LAMA5: variants seen among roughly 807,000 people sequenced by gnomAD.
The protein encoded by LAMA5 is laminin subunit alpha-5.
LAMA5 carries 260 observed loss-of-function variants against 433.4 expected under a neutral mutation model. The observed-to-expected ratio is 0.60, with a 90% confidence interval of 0.54 to 0.66. LAMA5 has a LOEUF of 0.66. LAMA5 is among the 30% of genes least tolerant of loss of function. The probability of loss-of-function intolerance (pLI) is 0.00; values close to 1 mark genes in which losing one functional copy is unlikely to be tolerated. For missense variants in LAMA5, 5,378 were observed against 5,258.5 expected, an observed-to-expected ratio of 1.02 and a Z score of -0.70; for synonymous variants, 2,620 against 2,226.6, an observed-to-expected ratio of 1.18 and a Z score of -4.97.
intron 11 of LAMA5, among the ~76,000 whole-genome samples, chr20:62,341,475 A>C (rs1044080225): frequency 1.3e-5 from 2 of 152,200 alleles, no homozygotes; most frequent in Non-Finnish European, 2.9e-5. Context: ...GGAGGTTCCC[A>C]GCATCCCTAG....
At chr20:62,326,801 G>A (rs1428170473) in intron 39 of LAMA5, 41 bp from the exon 40 acceptor site, 2 of 1,603,406 alleles carry the variant, frequency 1.2e-6, no homozygotes, top group Non-Finnish European at 1.7e-6. Flanking sequence ...GCACGGGCCT[G>A]GACCACGGTG....
Position 62,312,464 on chromosome 20 carries a change from T to C in LAMA5, c.9296A>G (p.Lys3099Arg). Residue 3099 changes from lysine to arginine, a missense_variant, in exon 68 of 80, where the codon AAG becomes AGG. Physicochemically the swap from Lys to Arg is conservative, Grantham distance 26 (BLOSUM62 2). Coordinates refer to ENST00000252999, the MANE Select transcript of LAMA5 (RefSeq NM_005560.6). ...GTTCAGCCGCTTGAGGTCCACATAC[T>C]TGCCCAGGGCCTTGATGCCTTTGAC... ...GCVKGIKALG[K>R]YVDLKRLNTT... 6.3e-7 allele frequency: 1 copy of C among 1,598,334 alleles called. No homozygotes were observed. Among genetic ancestry groups the C allele is most frequent in the Non-Finnish European group, 8.5e-7 (1 of 1,179,620 alleles).
rs368144472 is a variant in LAMA5, at chr20:62,312,679, G to C, written c.9180C>G (p.Ala3060=). 1.2e-6 allele frequency: 2 copies of C among 1,607,524 alleles called. No homozygotes were observed. Among genetic ancestry groups the C allele is most frequent in the Admixed American group, 1.7e-5 (1 of 59,390 alleles). ...SVEQDNDLEL[A]DAYYLGGVPP... ...GCACGCCCCCCAGGTAGTAGGCGTCGGCCAGCTCCAGATCATTGTCCTGCT... is the reference window on the plus strand; with the variant it reads ...GCACGCCCCCCAGGTAGTAGGCGTCCGCCAGCTCCAGATCATTGTCCTGCT... Residue 3060 remains alanine (A), a synonymous_variant, in exon 67 of 80, where the codon GCC becomes GCG. Transcript: ENST00000252999.
rs1258722840 is a variant in LAMA5, at chr20:62,325,408, G to A, written c.5437C>T (p.Leu1813=). 1 of 1,611,984 alleles carries A rather than the reference G, an allele frequency of 6.2e-7. No homozygotes were observed. Among genetic ancestry groups the A allele is most frequent in the South Asian group, 1.1e-5 (1 of 91,020 alleles). Residue 1813 remains leucine (L), a synonymous_variant, in exon 41 of 80, where the codon CTG becomes TTG. Transcript: ENST00000252999. The stretch of plus-strand genomic sequence containing the variant: ...TGGCCTGCTGGGCTGGCCACCTCCA[G>A]TGCCACCCTGCGCAGGAAGACAGCC... ...SSAVFLRRVA[L]EVASPAGQGA...
intron 2 of LAMA5, among the ~76,000 whole-genome samples, chr20:62,357,295 T>C (rs1985379262): frequency 6.6e-6 from 1 of 152,162 alleles, no homozygotes; most frequent in African/African-American, 2.4e-5. Context: ...AGAAGGGCGT[T>C]GTGCCAATTC....
chr20:62,353,031 G>T, intron 3 of LAMA5, 103 bp downstream of exon 3: 1 of 794,500 alleles, frequency 1.3e-6, no homozygotes, highest in Non-Finnish European at 2.0e-6. Flanking sequence ...CGGGTGTGAG[G>T]GCAGGGCTGG....
rs1242411940 is a variant in LAMA5 at position 62,314,321 on chromosome 20, T to G, written c.8487A>C (p.Ala2829=). Residue 2829 remains alanine (A), a synonymous_variant, in exon 62 of 80, where the codon GCA becomes GCC. Coordinates refer to ENST00000252999, the MANE Select transcript of LAMA5 (RefSeq NM_005560.6). ...CCTCCCACCTGTCCAGGCTGACAGC[T>G]GCGAACTGCTCCCCAATGTCCTCAT... ...SIDEDIGEQF[A]AVSLDRTLQF... is the part of the protein sequence containing the mutation. The G allele has an allele frequency of 6.2e-7, 1 of 1,613,226 alleles. No individual in the cohort carries two copies. The highest frequency in any genetic ancestry group is 1.1e-5 in the South Asian group (1 of 91,078).
chr20:62,314,535 C>T lies in LAMA5; in HGVS notation c.8367+20G>A, dbSNP rs1371967622. ...AACAGAGCCTGAGCTCGGGCCGCAT[C>T]CACCCAGCCAGCCTGGTACCTGGCG... On this transcript the variant is annotated intron_variant, in intron 61 of 79. Transcript: ENST00000252999. 1 of 1,605,474 alleles carries T rather than the reference C, an allele frequency of 6.2e-7. No individual in the cohort carries two copies. Among genetic ancestry groups the T allele is most frequent in the East Asian group, 2.2e-5 (1 of 44,772 alleles).
In LAMA5 at chr20:62,337,588, A is replaced by T. The variant is rs1231803612; in HGVS notation, c.2164+2T>A. The T allele has an allele frequency of 6.2e-7, 1 of 1,601,834 alleles. No homozygotes were observed. The highest frequency in any genetic ancestry group is 2.3e-5 in the East Asian group (1 of 44,254). On this transcript the variant is annotated splice_donor_variant, in intron 16 of 79. Transcript: ENST00000252999. LOFTEE classifies it high-confidence loss of function. ...GGTGCACACAGCCACCTGCCTGCTC[A>T]CCTTCGCAGTAGGGGAAGTTGTAGG...
intron 45 of LAMA5, among the ~76,000 whole-genome samples, 190 bp downstream of exon 45, chr20:62,323,247 TGGGGCGGGAGGGCCTGATC>T (rs1601323235): frequency 5.8e-5 from 6 of 104,056 alleles, no homozygotes; most frequent in South Asian, 5.7e-4. Context: ...GCCTGATCGC[TGGGGCGGGAGGGCCTGATC>T]GCTGGGGCGG....
chr20:62,354,805 T>A (rs554532157), intron 2 of LAMA5, among the ~76,000 whole-genome samples: 7 of 152,196 alleles, frequency 4.6e-5, no homozygotes, highest in Non-Finnish European at 1.5e-5. Context: ...CTCCAGGCCC[T>A]GTCACAAGCC....
Position 62,310,499 on chromosome 20 carries a change from A to C in LAMA5, c.10520T>G (p.Met3507Arg). 6.4e-7 allele frequency: 1 copy of C among 1,565,384 alleles called. No individual in the cohort carries two copies. The highest frequency in any genetic ancestry group is 8.6e-7 in the Non-Finnish European group (1 of 1,162,666). The change falls in exon 76 of 80, where the codon ATG (methionine) becomes AGG (arginine). Residue 3507 changes from methionine to arginine, a missense_variant. Physicochemically the swap from Met to Arg is moderately conservative, Grantham distance 91. Coordinates refer to ENST00000252999, the MANE Select transcript of LAMA5 (RefSeq NM_005560.6). ...HGRPLGAPTR[M>R]AGVTPCILGP... ...CAAGATGCAGGGTGTGACCCCTGCCATCCGTGTGGGGGCCCCCAGGGGCCT... is the reference window on the plus strand; with the variant it reads ...CAAGATGCAGGGTGTGACCCCTGCCCTCCGTGTGGGGGCCCCCAGGGGCCT...
intron 11 of LAMA5, 72 bp from the exon 12 acceptor site, chr20:62,338,680 T>A: frequency 6.4e-6 from 9 of 1,416,604 alleles, no homozygotes; most frequent in Non-Finnish European, 8.6e-6. Flanking sequence ...TGGCAAACCT[T>A]CCCTCTCCAC....
intron 53 of LAMA5, 148 bp from the exon 54 acceptor site, chr20:62,317,926 G>A (rs570111762): frequency 5.4e-6 from 1 of 186,360 alleles, no homozygotes; most frequent in Non-Finnish European, 9.1e-6. Flanking sequence ...GTTAGAACGT[G>A]TGAGTATGAG....
Position 62,320,974 on chromosome 20 carries a change from G to A in LAMA5, c.6497-84C>T, listed in dbSNP as rs189761527. 7.5e-5 allele frequency: 110 copies of A among 1,461,836 alleles called. No homozygotes were observed. The Admixed American group carries it at 8.0e-4, about 11-fold the overall frequency. 90.6% of individuals were successfully genotyped at this position (1,461,836 alleles called of 1,614,324 possible). ...CAGCTGGGGCCCTGGGGTCATTAGG[G>A]TGGGGAGGGCTCAGCCAGAGGTCAT... On this transcript the variant is annotated intron_variant, in intron 48 of 79. Coordinates refer to ENST00000252999, the MANE Select transcript of LAMA5 (RefSeq NM_005560.6).
At chr20:62,335,633 C>T (rs1445109006) in intron 18 of LAMA5, among the ~76,000 whole-genome samples, 3 of 142,224 alleles carry the variant, frequency 2.1e-5, no homozygotes, top group African/African-American at 7.9e-5. Context: ...GAACTCCACA[C>T]CCCAACATTC....
chr20:62,362,266 C>T (rs1406838803), intron 2 of LAMA5, 134 bp downstream of exon 2: 1 of 900,622 alleles, frequency 1.1e-6, no homozygotes, highest in Non-Finnish European at 1.5e-6. Context: ...CCACCAAGTC[C>T]TTCGTGTCCA....
intron 20 of LAMA5, 71 bp downstream of exon 20, chr20:62,334,950 G>T: frequency 7.0e-7 from 1 of 1,435,560 alleles, no homozygotes; most frequent in Non-Finnish European, 9.7e-7. Context: ...TGTCCCTCCG[G>T]GCCTTGGGTT....
Position 62,333,085 on chromosome 20 carries a change from C to T in LAMA5, c.3282+5G>A, listed in dbSNP as rs1225863720. 5.3e-6 allele frequency: 8 copies of T among 1,497,916 alleles called. No homozygotes were observed. Among genetic ancestry groups the T allele is most frequent in the African/African-American group, 1.4e-5 (1 of 71,436 alleles). 92.8% of individuals were successfully genotyped at this position (1,497,916 alleles called of 1,614,324 possible). ...CATTGCTCCGTGGGGTCCCAGGACA[C>T]GCACATCACTGCCCGTGCAGGTGAT... On this transcript the variant is annotated splice_donor_5th_base_variant and intron_variant, in intron 26 of 79. Transcript: ENST00000252999.
Sources: gnomAD v4.1 joint callset for allele counts (sites outside exome capture counted in the v4.1 genomes callset) on GRCh38, gnomAD v4.1.1 for gene constraint, MANE v1.5 for transcripts, NCBI Gene and HGNC (gene_info 2026-07-23, HGNC 2026-07-21) for gene names.